AZIN2: variants seen among roughly 807,000 people sequenced by gnomAD.
The protein encoded by AZIN2 is ODC antizyme inhibitor-2.
In AZIN2, 28 loss-of-function variants were observed where a neutral mutation model predicts 47.8. That is an observed-to-expected ratio of 0.59 (90% CI 0.43 to 0.80). The LOEUF is 0.80. AZIN2 is among the 30% of genes least tolerant of loss of function. The pLI is 0.00. For synonymous variants in AZIN2, 221 were observed against 239.4 expected (o/e 0.92, Z 0.71); for missense variants, 535 against 582.5 (o/e 0.92, Z 0.84).
In AZIN2 at chr1:33,117,952, G is replaced by A. The variant is rs373946334; in HGVS notation, c.1080G>A (p.Ala360=). The change falls in exon 11 of 12, where the codon GCG becomes GCA. Residue 360 remains alanine, a synonymous_variant. Coordinates refer to ENST00000294517, the MANE Select transcript of AZIN2 (RefSeq NM_052998.4). The stretch of plus-strand genomic sequence containing the variant: ...ACAGCAGCAGCCTGTGGGGCCCGGC[G>A]GTTGATGGCTGTGATTGCGTGGCTG... ...PLYSSSLWGP[A]VDGCDCVAEG... is the part of the protein sequence containing the mutation. The A allele has an allele frequency of 9.3e-6, 15 of 1,613,638 alleles. No homozygotes were observed. The South Asian group carries it at 1.1e-4, about 12-fold the overall frequency.
At position 33,120,157 on chromosome 1, in the gene AZIN2, T is replaced by C. The variant is rs1478325986; in HGVS notation, c.1358T>C (p.Val453Ala). The C allele has an allele frequency of 1.2e-6, 2 of 1,611,950 alleles. No homozygotes were observed. Among genetic ancestry groups the C allele is most frequent in the Non-Finnish European group, 1.7e-6 (2 of 1,178,316 alleles). ...ACAGACACCCTGTGCGTGGGCCCTGTCTTCACCCCAGCGAGCATCATGTGA... is the reference window on the plus strand; with the variant it reads ...ACAGACACCCTGTGCGTGGGCCCTGCCTTCACCCCAGCGAGCATCATGTGA... ...EITDTLCVGP[V>A]FTPASIM Residue 453 changes from valine to alanine, a missense_variant, in exon 12 of 12, where the codon GTC becomes GCC. Physicochemically the swap from Val to Ala is moderately conservative, Grantham distance 64 (BLOSUM62 0). Transcript: ENST00000294517.
At position 33,096,833 on chromosome 1, in the gene AZIN2, A is replaced by G. The variant is rs1290309353; in HGVS notation, c.880A>G (p.Lys294Glu). 1 of 1,614,148 alleles carries G rather than the reference A, an allele frequency of 6.2e-7. No homozygotes were observed. Among genetic ancestry groups the G allele is most frequent in the East Asian group, 2.2e-5 (1 of 44,888 alleles). Residue 294 changes from lysine to glutamate, a missense_variant, in exon 9 of 12, where the codon AAG (lysine) becomes GAG (glutamate). This residue lies in a region of AZIN2 where 409 missense variants were observed against 429.0 expected (regional missense o/e 0.95). Coordinates refer to ENST00000294517, the MANE Select transcript of AZIN2 (RefSeq NM_052998.4). ...AFTVAVSIIA[K>E]KEVLLDQPGR... ...CACTGTGGCAGTCAGCATCATTGCC[A>G]AGAAGGAGGTTCTGCTAGACCAGCC...
In AZIN2 at chr1:33,093,333, C is replaced by G. The variant is rs1642782908; in HGVS notation, c.504C>G (p.Ser168Arg). 1 of 1,613,966 alleles carries G rather than the reference C, an allele frequency of 6.2e-7. No homozygotes were observed. The highest frequency in any genetic ancestry group is 2.2e-5 in the East Asian group (1 of 44,856). The change falls in exon 7 of 12, where the codon AGC becomes AGG. Residue 168 changes from serine to arginine, a missense_variant. Physicochemically the swap from Ser to Arg is moderately radical, Grantham distance 110. Coordinates refer to ENST00000294517, the MANE Select transcript of AZIN2 (RefSeq NM_052998.4). The part of the protein sequence containing the change: ...TDDSHSLSCL[S>R]LKFGVSLKSC... The stretch of plus-strand genomic sequence containing the variant: ...ACTCCCACTCCCTGAGCTGCCTGAG[C>G]CTAAAGTTTGGAGTGTCACTGAAAT...
chr1:33,117,978 AGGGCCTGTGGCTGC>A lies in AZIN2; in HGVS notation c.1107_1120del (p.Glu369AspfsTer12). On this transcript the variant is annotated frameshift_variant, in exon 11 of 12. Transcript: ENST00000294517. LOFTEE classifies it high-confidence loss of function. ...GTTGATGGCTGTGATTGCGTGGCTG[AGGGCCTGTGGCTGC>A]CGCAACTACACGTAGGGGACTGGCT... The A allele has an allele frequency of 6.2e-7, 1 of 1,612,320 alleles. No homozygotes were observed. The highest frequency in any genetic ancestry group is 8.5e-7 in the Non-Finnish European group (1 of 1,179,070).
the AZIN2 span, among the ~76,000 whole-genome samples, chr1:33,130,738 A>G: frequency 6.6e-6 from 1 of 152,240 alleles, no homozygotes; most frequent in African/African-American, 2.4e-5. Context: ...TTAGGCAGCA[A>G]TAGATAACTA....
chr1:33,081,514 G>C lies in AZIN2; in HGVS notation c.-285+6G>C, dbSNP rs933920084. ...GCGAAGGAGGACGGAGTTTGGTAAG[G>C]GGCCCTGGGGGTTGGGGGGACCTCA... On this transcript the variant is annotated splice_donor_region_variant and intron_variant, in intron 2 of 11. Transcript: ENST00000294517. The surrounding 1 kb of genome is among the most constrained non-coding windows in gnomAD (Gnocchi z 4.2). 2.3e-4 allele frequency: 35 copies of C among 153,690 alleles called. No homozygotes were observed. Among genetic ancestry groups the C allele is most frequent in the African/African-American group, 8.2e-4 (34 of 41,558 alleles). 9.5% of individuals were successfully genotyped at this position (153,690 alleles called of 1,614,324 possible).
Position 33,118,104 on chromosome 1 carries a change from C to A in AZIN2, c.1232C>A (p.Ser411Tyr). The A allele has an allele frequency of 6.6e-7, 1 of 1,508,636 alleles. No individual in the cohort carries two copies. Among genetic ancestry groups the A allele is most frequent in the Non-Finnish European group, 8.8e-7 (1 of 1,131,298 alleles). The allele number at this position is 1,508,636 out of a possible 1,614,324, so 93.5% of individuals were successfully genotyped here. A position where few individuals can be genotyped will look rare whatever the true frequency, so the allele number is the denominator to read the frequency against. ...GCCTGCCACATCACCTATGCCATGT[C>A]CCGGGTGGCCTGGTAAGAGGGCCCT... ...TQACHITYAM[S>Y]RVAWEALRRQ... is the part of the protein sequence containing the mutation. Residue 411 changes from serine (S) to tyrosine (Y), a missense_variant, in exon 11 of 12, where the codon TCC becomes TAC. By Grantham distance (144) the Ser-to-Tyr change is moderately radical. Around this residue, in one of 3 missense-constraint regions of AZIN2, gnomAD observed 122 missense variants for 135.8 expected, o/e 0.90. Coordinates refer to ENST00000294517, the MANE Select transcript of AZIN2 (RefSeq NM_052998.4).
In AZIN2 at chr1:33,123,492, C is replaced by T. The variant is rs923777752; in HGVS notation, c.*3310C>T. 6.6e-6 allele frequency among the ~76,000 whole-genome samples: 1 copy of T among 152,218 alleles called. No individual in the cohort carries two copies. The highest frequency in any genetic ancestry group is 1.5e-5 in the Non-Finnish European group (1 of 68,040). Reference sequence around the variant, plus strand: ...CTGAATAAACATGCTCTTAACCTGTCTGAATCTGTTTACTCATTTGTACAA... The same window carrying T: ...CTGAATAAACATGCTCTTAACCTGTTTGAATCTGTTTACTCATTTGTACAA... On this transcript the variant is annotated 3_prime_UTR_variant, in exon 12 of 12. Coordinates refer to ENST00000294517, the MANE Select transcript of AZIN2 (RefSeq NM_052998.4).
At position 33,083,998 on chromosome 1, in the gene AZIN2, G is replaced by A. The variant is rs1641586943; in HGVS notation, c.150G>A (p.Val50=). The change falls in exon 5 of 12, where the codon GTG becomes GTA. Residue 50 remains valine, a synonymous_variant. Transcript: ENST00000294517. ...AFFVADLGAI[V]RKHFCFLKCL... ...TCGTGGCTGACCTGGGTGCCATAGT[G>A]AGGAAGCACTTTTGCTTTCTGAAGT... is the stretch of plus-strand genomic sequence containing the variant. 1.9e-6 allele frequency: 3 copies of A among 1,614,090 alleles called. No homozygotes were observed. The South Asian group carries it at 3.3e-5, about 18-fold the overall frequency.
chr1:33,133,630 G>A, the AZIN2 span, among the ~76,000 whole-genome samples: 5 of 152,180 alleles, frequency 3.3e-5, no homozygotes, highest in African/African-American at 1.2e-4. Flanking sequence ...GGGGCATCAG[G>A]GCACTGCAGC....
chr1:33,148,205 G>A, the AZIN2 span, among the ~76,000 whole-genome samples: 1 of 152,142 alleles, frequency 6.6e-6, no homozygotes, highest in Non-Finnish European at 1.5e-5. Flanking sequence ...GTTCTGCAAA[G>A]GGAAGTTCTG....
At chr1:33,152,540 C>T in the AZIN2 span, among the ~76,000 whole-genome samples, 8 of 148,308 alleles carry the variant, frequency 5.4e-5, no homozygotes, top group Non-Finnish European at 1.0e-4. Flanking sequence ...GCACTCCAGC[C>T]TGGGCAACAA....
chr1:33,126,950 T>C (rs187538409), downstream of AZIN2, among the ~76,000 whole-genome samples: 60 of 152,336 alleles, frequency 3.9e-4, 1 homozygote, highest in Admixed American at 3.2e-3. Flanking sequence ...ATGGTAACCC[T>C]ACTCTGGCAA....
At chr1:33,101,251 C>G (rs1051405782) in intron 10 of AZIN2, among the ~76,000 whole-genome samples, 7 of 151,812 alleles carry the variant, frequency 4.6e-5, no homozygotes, top group Admixed American at 3.3e-4. Context: ...GTTGTCTAGG[C>G]GGGTTGAGAA....
At position 33,122,596 on chromosome 1, in the gene AZIN2, C is replaced by G. The variant is rs1420574177; in HGVS notation, c.*2414C>G. ...AATCTAAGCAGGGGTCTCCTGGACC[C>G]CTGGCTGCATGGGCACTGCCTCCTC... On this transcript the variant is annotated 3_prime_UTR_variant, in exon 12 of 12. Coordinates refer to ENST00000294517, the MANE Select transcript of AZIN2 (RefSeq NM_052998.4). Among the ~76,000 whole-genome samples, 1 of 152,188 alleles carries G rather than the reference C, an allele frequency of 6.6e-6. No homozygotes were observed. Among genetic ancestry groups the G allele is most frequent in the African/African-American group, 2.4e-5 (1 of 41,432 alleles).
At chr1:33,165,391 C>T in the AZIN2 span, 8 of 1,348,140 alleles carry the variant, frequency 5.9e-6, no homozygotes, top group African/African-American at 1.2e-4. This position sits in a 1 kb window ranked among gnomAD's most constrained non-coding sequence, Gnocchi z 4.0. Context: ...GGCCCCGCCC[C>T]TCTTCCCCAG....
intron 5 of AZIN2, among the ~76,000 whole-genome samples, chr1:33,086,544 G>T (rs562532029): frequency 6.6e-6 from 1 of 152,342 alleles, no homozygotes; most frequent in Non-Finnish European, 1.5e-5. Context: ...GCCCTCTTCT[G>T]GTCGTCTGTA....
chr1:33,153,027 G>C, the AZIN2 span, among the ~76,000 whole-genome samples: 1 of 151,744 alleles, frequency 6.6e-6, no homozygotes, highest in Non-Finnish European at 1.5e-5. Context: ...TGTTAGGCTG[G>C]GGGTGGGATA....
chr1:33,123,641 G>C (rs1644834363), downstream of AZIN2, among the ~76,000 whole-genome samples: 1 of 152,212 alleles, frequency 6.6e-6, no homozygotes, highest in Non-Finnish European at 1.5e-5. Flanking sequence ...AAGGCTGGTG[G>C]ATCACGAGGT....
Sources: allele counts gnomAD v4.1 joint callset (sites outside exome capture counted in the v4.1 genomes callset), GRCh38; gene constraint gnomAD v4.1.1; regional missense constraint gnomAD v4.1.1; non-coding constraint Gnocchi (gnomAD v3.1); transcripts MANE v1.5; gene names NCBI Gene and HGNC (gene_info 2026-07-23, HGNC 2026-07-21).